LSM14A: variants seen among roughly 807,000 people sequenced by gnomAD.
The protein encoded by LSM14A is LSM14A mRNA processing body assembly factor.
In LSM14A, 14 loss-of-function variants were observed where a neutral mutation model predicts 52.4. The ratio of observed to expected loss-of-function variants is 0.27; its 90% CI spans 0.18 to 0.42. The LOEUF (loss-of-function observed/expected upper bound fraction) is 0.42, where lower values mean the gene tolerates loss of function less well. Among genes scored for constraint, LSM14A ranks in the 10% least tolerant of loss-of-function variants. The probability of loss-of-function intolerance (pLI) is 1.00; values close to 1 mark genes in which losing one functional copy is unlikely to be tolerated. For missense variants in LSM14A, 417 were observed against 581.8 expected (o/e 0.72, Z 2.91); for synonymous variants, 185 against 200.3 (o/e 0.92, Z 0.64).
At chr19:34,174,861 G>A (rs1341593284) in intron 1 of LSM14A, among the ~76,000 whole-genome samples, 6 of 152,104 alleles carry the variant, frequency 3.9e-5, no homozygotes, top group Non-Finnish European at 8.8e-5. Context: ...TGCCAGCTTA[G>A]TGACTCAATA....
chr19:34,204,580 G>A (rs1274040602), intron 3 of LSM14A, among the ~76,000 whole-genome samples: 8 of 151,764 alleles, frequency 5.3e-5, no homozygotes, highest in Non-Finnish European at 7.4e-5. Context: ...GTAGCTGGGT[G>A]TGGTTGTACA....
Position 34,227,904 on chromosome 19 carries a change from G to A in LSM14A, c.*516G>A, listed in dbSNP as rs2073430552. On this transcript the variant is annotated 3_prime_UTR_variant, in exon 10 of 10. Coordinates refer to ENST00000544216, the MANE Select transcript of LSM14A (RefSeq NM_015578.4). ...GTAGCTTATTTCGTCAATTAATTAG[G>A]GTGCTGGATGGTAGAGAATTTTGTC... The A allele has an allele frequency of 6.6e-6, 1 of 152,156 alleles. No individual in the cohort carries two copies. The highest frequency in any genetic ancestry group is 1.9e-4 in the East Asian group (1 of 5,170). 9.4% of individuals were successfully genotyped at this position (152,156 alleles called of 1,614,324 possible).
intron 4 of LSM14A, among the ~76,000 whole-genome samples, chr19:34,210,997 A>G (rs766455174): frequency 6.6e-6 from 1 of 152,104 alleles, no homozygotes; most frequent in Non-Finnish European, 1.5e-5. Flanking sequence ...AATGTAAATT[A>G]AATATACAAA....
chr19:34,221,808 G>A (rs1177715808), intron 9 of LSM14A, 70 bp downstream of exon 9: 1 of 1,522,618 alleles, frequency 6.6e-7, no homozygotes, highest in African/African-American at 1.4e-5. Context: ...ATTTTTACTT[G>A]TTTTTGTTTT....
chr19:34,201,846 G>A (rs1364132373), intron 3 of LSM14A, among the ~76,000 whole-genome samples: 1 of 152,032 alleles, frequency 6.6e-6, no homozygotes, highest in Non-Finnish European at 1.5e-5. Flanking sequence ...TTTTGAGACA[G>A]GGTCTCTTTC....
intron 6 of LSM14A, among the ~76,000 whole-genome samples, chr19:34,216,290 G>A (rs2072584562): frequency 3.3e-5 from 5 of 151,560 alleles, no homozygotes; most frequent in Admixed American, 3.3e-4. Context: ...GCGGGCGCCT[G>A]TAGTCCCAGC....
In LSM14A at chr19:34,180,586, A is replaced by G. The variant is rs534539171; in HGVS notation, c.121+7823A>G. ...CTCTGTCTAGGTGCTCAGTCTCTCT[A>G]GTAGCCCAACTCAGTCAGTCATTCA... On this transcript the variant is annotated intron_variant, in intron 1 of 9. Coordinates refer to ENST00000544216, the MANE Select transcript of LSM14A (RefSeq NM_015578.4). Among the ~76,000 whole-genome samples the G allele has an allele frequency of 1.2e-3, 183 of 152,286 alleles. 1 individual carries two copies. The highest frequency in any genetic ancestry group is 4.3e-3 in the African/African-American group (177 of 41,546).
Position 34,194,528 on chromosome 19 carries a change from C to A in LSM14A, c.172C>A (p.Arg58=), listed in dbSNP as rs1284195113. The change falls in exon 2 of 10, where the codon CGA becomes AGA. Residue 58 remains arginine (R), a synonymous_variant. Coordinates refer to ENST00000544216, the MANE Select transcript of LSM14A (RefSeq NM_015578.4). ...ACCGACAGATCGTCCAATACCACCT[C>A]GAGATGAAGTCTTTGAATACATTAT... ...DRPTDRPIPP[R]DEVFEYIIFR... is the part of the protein sequence containing the mutation. 1 of 1,613,974 alleles carries A rather than the reference C, an allele frequency of 6.2e-7. No individual in the cohort carries two copies. The highest frequency in any genetic ancestry group is 8.5e-7 in the Non-Finnish European group (1 of 1,179,978).
At position 34,215,282 on chromosome 19, in the gene LSM14A, A is replaced by C; in HGVS notation, c.697A>C (p.Asn233His). 1 of 1,613,008 alleles carries C rather than the reference A, an allele frequency of 6.2e-7. No homozygotes were observed. Among genetic ancestry groups the C allele is most frequent in the Non-Finnish European group, 8.5e-7 (1 of 1,179,666 alleles). ...ATCTGCCAGCCAAAAGGCAGGAGAG[A>C]ATCAGGAGCACAGGCGAGGTAGAAC... ...LPSASQKAGENQEHRRAEVHK... is the reference protein window; with the variant it reads ...LPSASQKAGEHQEHRRAEVHK... The change falls in exon 5 of 10, where the codon AAT (asparagine) becomes CAT (histidine). Residue 233 changes from asparagine to histidine, a missense_variant. By Grantham distance (68) the Asn-to-His change is moderately conservative. Coordinates refer to ENST00000544216, the MANE Select transcript of LSM14A (RefSeq NM_015578.4).
intron 6 of LSM14A, among the ~76,000 whole-genome samples, chr19:34,218,236 C>T (rs1599718567): frequency 6.6e-6 from 1 of 152,194 alleles, no homozygotes; most frequent in African/African-American, 2.4e-5. Context: ...GAGCTCCTGA[C>T]CTCGTGATCC....
chr19:34,196,699 GCCCACATACAGTCAGTTCAGT>G lies in LSM14A; in HGVS notation c.354_374del (p.Thr119_Pro125del). On this transcript the variant is annotated inframe_deletion, in exon 3 of 10. Transcript: ENST00000544216. ...GTTCTTATGGACCTTTCGGCAGGAT[GCCCACATACAGTCAGTTCAGT>G]CCGAGTTCCTTAGTTGGGCAGCAGT... is the stretch of plus-strand genomic sequence containing the variant. 1.2e-6 allele frequency: 2 copies of G among 1,613,748 alleles called. No homozygotes were observed. Among genetic ancestry groups the G allele is most frequent in the Non-Finnish European group, 1.7e-6 (2 of 1,179,892 alleles).
intron 4 of LSM14A, among the ~76,000 whole-genome samples, chr19:34,214,648 C>T (rs2072441173): frequency 6.6e-6 from 1 of 152,100 alleles, no homozygotes; most frequent in South Asian, 2.1e-4. Flanking sequence ...GAGTTAATAC[C>T]TGTAGATAGA....
intron 3 of LSM14A, among the ~76,000 whole-genome samples, chr19:34,202,183 T>C (rs1291779145): frequency 6.6e-6 from 1 of 151,374 alleles, no homozygotes; most frequent in East Asian, 1.9e-4. Context: ...TTTTGTTTTG[T>C]TTTGTTTTGT....
intron 1 of LSM14A, among the ~76,000 whole-genome samples, chr19:34,193,857 C>T (rs1418976596): frequency 1.3e-5 from 2 of 152,092 alleles, no homozygotes; most frequent in Non-Finnish European, 1.5e-5. Context: ...TTTATTTTGT[C>T]GAATGAGGAC....
At chr19:34,213,695 A>C (rs2072338725) in intron 4 of LSM14A, among the ~76,000 whole-genome samples, 1 of 152,250 alleles carries the variant, frequency 6.6e-6, no homozygotes, top group Non-Finnish European at 1.5e-5. Flanking sequence ...CCGATGTTAC[A>C]TTCTTCAGTT....
rs1484280839 is a variant in LSM14A at position 34,218,019 on chromosome 19, CT to C, written c.782-1371del. ...TTTTTTTTTTTTTTTTTTTTTCCCC[CT>C]GGAGATAGAATCTCGCTCTGTCACC... On this transcript the variant is annotated intron_variant, in intron 6 of 9. Transcript: ENST00000544216. Among the ~76,000 whole-genome samples, 206 of 127,056 alleles carry C rather than the reference CT, an allele frequency of 1.6e-3. 6 individuals carry two copies. In the Admixed American group the frequency reaches 0.016, roughly 10 times the overall value. 83.4% of individuals were successfully genotyped at this position (127,056 alleles called of 152,430 possible). A position where few individuals can be genotyped will look rare whatever the true frequency, so the allele number is the denominator to read the frequency against.
At chr19:34,226,226 GC>G in intron 9 of LSM14A, among the ~76,000 whole-genome samples, 1 of 152,136 alleles carries the variant, frequency 6.6e-6, no homozygotes, top group Non-Finnish European at 1.5e-5. Context: ...GGGAGGTTAA[GC>G]CACCATGGTG....
At chr19:34,177,753 G>A (rs1412506715) in intron 1 of LSM14A, among the ~76,000 whole-genome samples, 2 of 140,354 alleles carry the variant, frequency 1.4e-5, no homozygotes, top group Non-Finnish European at 3.2e-5. Flanking sequence ...CATTAGCCAA[G>A]CATGGTGGCA....
chr19:34,205,558 C>T (rs766143580), intron 3 of LSM14A, among the ~76,000 whole-genome samples: 1 of 150,104 alleles, frequency 6.7e-6, no homozygotes, highest in Non-Finnish European at 1.5e-5. Context: ...GGTGAATGCC[C>T]TTAGTCCTAA....
Sources: allele counts gnomAD v4.1 joint callset (sites outside exome capture counted in the v4.1 genomes callset), GRCh38; gene constraint gnomAD v4.1.1; transcripts MANE v1.5; gene names NCBI Gene and HGNC (gene_info 2026-07-23, HGNC 2026-07-21).